PRKCE: variants seen among roughly 807,000 people sequenced by gnomAD.
PRKCE encodes the protein protein kinase C epsilon type.
In PRKCE, 16 loss-of-function variants were observed where a neutral mutation model predicts 85.4. That is an observed-to-expected ratio of 0.19 (90% CI 0.13 to 0.28). PRKCE has a LOEUF of 0.28. Ranked by LOEUF, PRKCE falls within the 10% of genes least tolerant of loss-of-function variation. PRKCE has a pLI of 1.00. For missense variants in PRKCE, 573 were observed against 975.2 expected, an observed-to-expected ratio of 0.59 and a Z score of 5.49; for synonymous variants, 388 against 371.5, an observed-to-expected ratio of 1.04 and a Z score of -0.51.
chr2:45,778,868 T>G (rs1390357861), intron 1 of PRKCE, among the ~76,000 whole-genome samples: 1 of 152,214 alleles, frequency 6.6e-6, no homozygotes, highest in Admixed American at 6.5e-5. Flanking sequence ...ATATTTAAAC[T>G]AATGGGCAGT....
intron 11 of PRKCE, among the ~76,000 whole-genome samples, chr2:46,102,964 A>G (rs995692088): frequency 3.3e-5 from 5 of 152,196 alleles, no homozygotes; most frequent in Non-Finnish European, 5.9e-5. Context: ...GCAAAGAAGT[A>G]TTATATAAAG....
intron 14 of PRKCE, chr2:46,160,068 A>G (rs528152775): frequency 3.2e-4 from 96 of 296,524 alleles, no homozygotes; most frequent in Non-Finnish European, 5.4e-4. Context: ...CATGTATGGT[A>G]GAGACATAAG....
chr2:45,957,831 G>A (rs1701073518), intron 2 of PRKCE, among the ~76,000 whole-genome samples: 1 of 152,024 alleles, frequency 6.6e-6, no homozygotes, highest in African/African-American at 2.4e-5. Context: ...ATGATAGTCT[G>A]AGTCCAGAGG....
intron 1 of PRKCE, among the ~76,000 whole-genome samples, chr2:45,821,623 C>G (rs1404864670): frequency 1.3e-5 from 2 of 152,092 alleles, no homozygotes; most frequent in African/African-American, 2.4e-5. Flanking sequence ...GATTTGGGGA[C>G]TGGCATGTGT....
At chr2:46,083,477 A>G (rs1002269541) in intron 10 of PRKCE, among the ~76,000 whole-genome samples, 4 of 152,188 alleles carry the variant, frequency 2.6e-5, no homozygotes, top group African/African-American at 9.7e-5. Flanking sequence ...TCTCCTAAAC[A>G]CAGTCAAGGA....
chr2:45,833,950 C>G (rs1046123828), intron 1 of PRKCE, among the ~76,000 whole-genome samples: 4 of 152,200 alleles, frequency 2.6e-5, no homozygotes, highest in Non-Finnish European at 4.4e-5. Flanking sequence ...ATGCTCTGTA[C>G]CCTTACACAC....
chr2:45,711,032 T>TCCCTGTC (rs1396028789), intron 1 of PRKCE, among the ~76,000 whole-genome samples: 3 of 152,176 alleles, frequency 2.0e-5, no homozygotes, highest in African/African-American at 7.2e-5. Flanking sequence ...TGCTGCCCCC[T>TCCCTGTC]CCCTGTCCCC....
intron 1 of PRKCE, chr2:45,677,841 C>A (rs962081183): frequency 3.1e-5 from 31 of 985,230 alleles, no homozygotes; most frequent in Admixed American, 6.2e-5. Context: ...GAGACACAAC[C>A]GCTTCAGATG....
At chr2:45,831,743 T>TA (rs1329780169) in intron 1 of PRKCE, among the ~76,000 whole-genome samples, 11 of 152,156 alleles carry the variant, frequency 7.2e-5, no homozygotes, top group Non-Finnish European at 1.2e-4. Flanking sequence ...GAAACCTATA[T>TA]AAAAATTACT....
rs1345446290 is a variant in PRKCE at position 45,979,005 on chromosome 2, G to C, written c.602G>C (p.Cys201Ser). The C allele has an allele frequency of 6.3e-7, 1 of 1,599,354 alleles. No individual in the cohort carries two copies. The highest frequency in any genetic ancestry group is 2.2e-5 in the East Asian group (1 of 44,880). Residue 201 changes from cysteine to serine, a missense_variant, in exon 4 of 15, where the codon TGT becomes TCT. By Grantham distance (112) the Cys-to-Ser change is moderately radical. Coordinates refer to ENST00000306156, the MANE Select transcript of PRKCE (RefSeq NM_005400.3). ...GTCATAGGAAAGCAGGGATACCAGTGTCAAGGTAAGAGGCATTTATGAATT... is the reference window on the plus strand; with the variant it reads ...GTCATAGGAAAGCAGGGATACCAGTCTCAAGGTAAGAGGCATTTATGAATT... ...WGVIGKQGYQ[C>S]QVCTCVVHKR...
At chr2:45,924,108 T>C (rs1484050940) in intron 2 of PRKCE, among the ~76,000 whole-genome samples, 2 of 152,202 alleles carry the variant, frequency 1.3e-5, no homozygotes, top group African/African-American at 4.8e-5. Context: ...CCAACCCCTT[T>C]TCCCATCTTC....
chr2:45,929,044 A>T (rs1218232665), intron 2 of PRKCE, among the ~76,000 whole-genome samples: 3 of 152,170 alleles, frequency 2.0e-5, no homozygotes, highest in East Asian at 1.9e-4. Context: ...TTTAGAAGGG[A>T]TGGATTTAGC....
intron 10 of PRKCE, among the ~76,000 whole-genome samples, chr2:46,081,422 G>A (rs1242203344): frequency 6.6e-6 from 1 of 152,234 alleles, no homozygotes; most frequent in Non-Finnish European, 1.5e-5. Flanking sequence ...CAGCAAGCCA[G>A]AGTTACCAAC....
chr2:45,784,802 G>T (rs1686468313), intron 1 of PRKCE, among the ~76,000 whole-genome samples: 2 of 152,176 alleles, frequency 1.3e-5, no homozygotes, highest in African/African-American at 4.8e-5. Context: ...GAAAATGGTG[G>T]TTGACTTTGG....
At chr2:45,942,901 G>T (rs982681021) in intron 2 of PRKCE, among the ~76,000 whole-genome samples, 4 of 152,112 alleles carry the variant, frequency 2.6e-5, no homozygotes, top group African/African-American at 9.7e-5. Context: ...AACAGTAACA[G>T]TGCTTTAAAA....
At chr2:46,126,831 A>G (rs1378775430) in intron 11 of PRKCE, among the ~76,000 whole-genome samples, 2 of 152,172 alleles carry the variant, frequency 1.3e-5, no homozygotes, top group Non-Finnish European at 2.9e-5. Context: ...TACAAAGAGC[A>G]TGGAGCCAGT....
intron 2 of PRKCE, among the ~76,000 whole-genome samples, chr2:45,943,456 G>T (rs1700026039): frequency 6.6e-6 from 1 of 152,246 alleles, no homozygotes; most frequent in Non-Finnish European, 1.5e-5. Context: ...AGGAAGGTCT[G>T]CCAGGGGGCG....
intron 11 of PRKCE, among the ~76,000 whole-genome samples, chr2:46,096,281 A>C (rs557006056): frequency 1.3e-5 from 2 of 152,370 alleles, no homozygotes; most frequent in African/African-American, 4.8e-5. Context: ...ATGAGAAAAC[A>C]TTTGCAGAAG....
chr2:45,672,167 A>G (rs1676200958), intron 1 of PRKCE, among the ~76,000 whole-genome samples: 2 of 152,126 alleles, frequency 1.3e-5, no homozygotes, highest in South Asian at 2.1e-4. Context: ...TTACATTGCT[A>G]TATCATGCTG....
Sources: gnomAD v4.1 joint callset for allele counts (sites outside exome capture counted in the v4.1 genomes callset) on GRCh38, gnomAD v4.1.1 for gene constraint, MANE v1.5 for transcripts, NCBI Gene and HGNC (gene_info 2026-07-23, HGNC 2026-07-21) for gene names.